Variants in LRP5 observed in about 807,000 individuals in gnomAD.
The protein encoded by LRP5 is low-density lipoprotein receptor-related protein 5.
A neutral mutation model predicts 154.1 loss-of-function variants in LRP5; 62 were observed. That is an observed-to-expected ratio of 0.40 (90% CI 0.33 to 0.50). The LOEUF (loss-of-function observed/expected upper bound fraction) is 0.50. Ranked by LOEUF, LRP5 falls within the 20% of genes least tolerant of loss-of-function variation. The pLI, the probability that LRP5 is intolerant of heterozygous loss-of-function variation, is 0.55. For missense variants in LRP5, 1,915 were observed against 2,336.7 expected, an observed-to-expected ratio of 0.82 and a Z score of 3.72; for synonymous variants, 966 against 1,011.5, an observed-to-expected ratio of 0.96 and a Z score of 0.85.
At chr11:68,343,292 G>T (rs77391554) in intron 1 of LRP5, among the ~76,000 whole-genome samples, 7,230 of 152,288 alleles carry the variant, frequency 0.047, 574 homozygotes, top group African/African-American at 0.16. Context: ...TGTGTTAGCA[G>T]GGGACTCTCG....
chr11:68,384,174 G>A (rs1315231577), intron 5 of LRP5, among the ~76,000 whole-genome samples: 1 of 152,194 alleles, frequency 6.6e-6, no homozygotes, highest in Non-Finnish European at 1.5e-5. Context: ...GAGTCAGGAG[G>A]GGCTCCTGTC....
At chr11:68,299,479 G>GGCAGGGTGGAGTGCTCAGTGTAGACA in the LRP5 span, among the ~76,000 whole-genome samples, 1 of 145,644 alleles carries the variant, frequency 6.9e-6, no homozygotes, top group Non-Finnish European at 1.5e-5. Flanking sequence ...CAGTGTAGAT[G>GGCAGGGTGGAGTGCTCAGTGTAGACA]GCAGGGTGGA....
chr11:68,434,538 C>G (rs2098673851), intron 18 of LRP5, among the ~76,000 whole-genome samples: 1 of 152,124 alleles, frequency 6.6e-6, no homozygotes, highest in Admixed American at 6.5e-5. Flanking sequence ...CACCACCATG[C>G]CTGGCTAATT....
intron 15 of LRP5, 79 bp downstream of exon 15, chr11:68,425,371 G>A (rs1205111094): frequency 4.8e-6 from 7 of 1,444,020 alleles, no homozygotes; most frequent in East Asian, 2.5e-5. Flanking sequence ...CACATTGTCC[G>A]AGACCTGCCG....
intron 3 of LRP5, among the ~76,000 whole-genome samples, chr11:68,362,542 T>C (rs930741939): frequency 2.0e-5 from 3 of 151,876 alleles, no homozygotes; most frequent in Non-Finnish European, 4.4e-5. Flanking sequence ...CCCCCAAAAA[T>C]TAGCTGGGTG....
intron 9 of LRP5, 53 bp downstream of exon 9, chr11:68,406,866 T>C: frequency 7.0e-6 from 11 of 1,581,690 alleles, no homozygotes; most frequent in Non-Finnish European, 8.6e-6. Context: ...AAACCTTGCC[T>C]CTGTTCCTGC....
Position 68,344,849 on chromosome 11 carries a change from C to CTTTTTTTTT in LRP5, c.92-2976_92-2968dup, listed in dbSNP as rs58477287. 4.1e-4 allele frequency among the ~76,000 whole-genome samples: 27 copies of CTTTTTTTTT among 65,576 alleles called. 4 individuals carry two copies. Among genetic ancestry groups the CTTTTTTTTT allele is most frequent in the South Asian group, 9.4e-4 (2 of 2,138 alleles). 43.0% of individuals were successfully genotyped at this position (65,576 alleles called of 152,430 possible). On this transcript the variant is annotated intron_variant, in intron 1 of 22. Coordinates refer to ENST00000294304, the MANE Select transcript of LRP5 (RefSeq NM_002335.4). ...TTGTAGCATGTGTCAGAATCTCTCT[C>CTTTTTTTTT]TTTTTTTTTTTTTTTTTTTTTTTTT... is the stretch of plus-strand genomic sequence containing the variant.
intron 1 of LRP5, among the ~76,000 whole-genome samples, chr11:68,337,430 T>A (rs1359374977): frequency 6.6e-6 from 1 of 152,066 alleles, no homozygotes. Flanking sequence ...GCATTGTGAG[T>A]AGAATTAAGT....
At chr11:68,344,516 C>T (rs1170525145) in intron 1 of LRP5, among the ~76,000 whole-genome samples, 5 of 151,882 alleles carry the variant, frequency 3.3e-5, no homozygotes, top group Non-Finnish European at 7.4e-5. Flanking sequence ...GGCAAGGTTT[C>T]GTCATGTTGG....
intron 13 of LRP5, among the ~76,000 whole-genome samples, chr11:68,422,960 C>T (rs1380241352): frequency 1.3e-5 from 2 of 151,984 alleles, no homozygotes; most frequent in Non-Finnish European, 2.9e-5. Flanking sequence ...TTGTAAGGGG[C>T]GGCCCCCAAA....
chr11:68,345,319 G>T (rs1417453908), intron 1 of LRP5, among the ~76,000 whole-genome samples: 5 of 152,092 alleles, frequency 3.3e-5, no homozygotes, highest in Non-Finnish European at 5.9e-5. Flanking sequence ...ACAGAGTCTC[G>T]CTGTGTCACC....
chr11:68,346,798 T>C (rs1265887442), intron 1 of LRP5, among the ~76,000 whole-genome samples: 1 of 152,216 alleles, frequency 6.6e-6, no homozygotes, highest in East Asian at 1.9e-4. Context: ...TGGAGGCCCT[T>C]AACCTCCTCC....
At chr11:68,436,792 GCT>G (rs1434982191) in intron 18 of LRP5, 95 bp from the exon 19 acceptor site, 1 of 842,138 alleles carries the variant, frequency 1.2e-6, no homozygotes, top group African/African-American at 1.7e-5. Flanking sequence ...CCATCTGTCT[GCT>G]CTCTGTTTGG....
intron 17 of LRP5, 138 bp from the exon 18 acceptor site, chr11:68,433,464 G>A: frequency 1.3e-6 from 1 of 792,678 alleles, no homozygotes; most frequent in Non-Finnish European, 2.2e-6. Flanking sequence ...AGGATGTGCG[G>A]GTGCAGCACC....
chr11:68,376,006 C>G (rs1196775287), intron 5 of LRP5, among the ~76,000 whole-genome samples: 2 of 152,170 alleles, frequency 1.3e-5, no homozygotes, highest in Non-Finnish European at 2.9e-5. Flanking sequence ...GGCATTGTCA[C>G]ATGGTTCCAT....
At chr11:68,339,264 C>G (rs535981448) in intron 1 of LRP5, among the ~76,000 whole-genome samples, 1 of 151,968 alleles carries the variant, frequency 6.6e-6, no homozygotes, top group South Asian at 2.1e-4. Flanking sequence ...CAACCTCCAC[C>G]TCCCGGGTTC....
At chr11:68,356,084 TC>T (rs1443615158) in intron 2 of LRP5, among the ~76,000 whole-genome samples, 2 of 150,584 alleles carry the variant, frequency 1.3e-5, no homozygotes, top group Non-Finnish European at 1.5e-5. Context: ...GACCTCGTGA[TC>T]CGCCCATCTC....
At chr11:68,336,757 C>T (rs893713580) in intron 1 of LRP5, among the ~76,000 whole-genome samples, 1 of 152,206 alleles carries the variant, frequency 6.6e-6, no homozygotes, top group Non-Finnish European at 1.5e-5. Flanking sequence ...TCGTGAGCCA[C>T]CGTGCCCGGC....
At chr11:68,335,143 C>T (rs1205011798) in intron 1 of LRP5, among the ~76,000 whole-genome samples, 2 of 148,192 alleles carry the variant, frequency 1.3e-5, no homozygotes, top group African/African-American at 2.5e-5. Context: ...GTGGTACAAT[C>T]ATGGGTCACT....
Sources: gnomAD v4.1 joint callset for allele counts (sites outside exome capture counted in the v4.1 genomes callset) on GRCh38, gnomAD v4.1.1 for gene constraint, MANE v1.5 for transcripts, NCBI Gene and HGNC (gene_info 2026-07-23, HGNC 2026-07-21) for gene names.